TANC2: variants seen among roughly 807,000 people sequenced by gnomAD.
The protein encoded by TANC2 is protein TANC2.
TANC2 carries 26 observed loss-of-function variants against 210.5 expected under a neutral mutation model. That is an observed-to-expected ratio of 0.12 (90% CI 0.09 to 0.17). The LOEUF (loss-of-function observed/expected upper bound fraction) is 0.17, where lower values mean the gene tolerates loss of function less well. Among genes scored for constraint, TANC2 ranks in the 10% least tolerant of loss-of-function variants. The probability of loss-of-function intolerance (pLI) is 1.00; values close to 1 mark genes in which losing one functional copy is unlikely to be tolerated. For synonymous variants in TANC2, 931 were observed against 967.1 expected (o/e 0.96, Z 0.69); for missense variants, 2,129 against 2,608.9 (o/e 0.82, Z 4.01).
intron 12 of TANC2, among the ~76,000 whole-genome samples, chr17:63,348,854 A>G (rs2046501735): frequency 6.6e-6 from 1 of 152,178 alleles, no homozygotes; most frequent in Admixed American, 6.5e-5. Flanking sequence ...GTGAAAATCT[A>G]AAGAACATTA....
At chr17:63,396,076 C>T in intron 18 of TANC2, 148 bp downstream of exon 18, 1 of 733,040 alleles carries the variant, frequency 1.4e-6, no homozygotes, top group Non-Finnish European at 2.2e-6. Flanking sequence ...GATTAAACTC[C>T]ATGAAGCACT....
At chr17:63,394,476 T>C (rs558337367) in intron 17 of TANC2, among the ~76,000 whole-genome samples, 2 of 152,346 alleles carry the variant, frequency 1.3e-5, no homozygotes, top group South Asian at 4.1e-4. Context: ...ATCCATTCGC[T>C]TAGTTTTTGA....
intron 5 of TANC2, among the ~76,000 whole-genome samples, chr17:63,178,777 T>C (rs890493655): frequency 6.6e-6 from 1 of 152,214 alleles, no homozygotes; most frequent in Non-Finnish European, 1.5e-5. Context: ...AAAAGAATGC[T>C]GAGAATTAAG....
At chr17:62,981,858 A>G (rs962286734) in intron 1 of TANC2, among the ~76,000 whole-genome samples, 8 of 152,226 alleles carry the variant, frequency 5.3e-5, no homozygotes, top group Non-Finnish European at 2.9e-5. Flanking sequence ...AAAGGATACA[A>G]ATCAGCATCA....
chr17:63,396,441 T>G (rs2048160072), intron 18 of TANC2: 1 of 160,676 alleles, frequency 6.2e-6, no homozygotes, highest in Non-Finnish European at 1.4e-5. Flanking sequence ...GGTAAACTGT[T>G]AAACATTATA....
intron 9 of TANC2, among the ~76,000 whole-genome samples, chr17:63,284,491 A>G (rs1385732688): frequency 6.6e-6 from 1 of 151,818 alleles, no homozygotes; most frequent in Non-Finnish European, 1.5e-5. Flanking sequence ...GTTCCATTCA[A>G]AATACTTTCA....
chr17:63,191,662 C>T (rs753227235), intron 5 of TANC2, among the ~76,000 whole-genome samples: 1 of 151,854 alleles, frequency 6.6e-6, no homozygotes. Context: ...GGGGTTTCAC[C>T]ACGTTGCCCA....
At chr17:63,362,153 C>A (rs1318856133) in intron 14 of TANC2, among the ~76,000 whole-genome samples, 1 of 152,128 alleles carries the variant, frequency 6.6e-6, no homozygotes, top group East Asian at 1.9e-4. Flanking sequence ...TAGCTCCTAT[C>A]TACAGGCAGG....
At chr17:63,142,071 T>C (rs943341976) in intron 4 of TANC2, among the ~76,000 whole-genome samples, 1 of 152,194 alleles carries the variant, frequency 6.6e-6, no homozygotes, top group Admixed American at 6.5e-5. Flanking sequence ...ACACTGTTGG[T>C]ATAAAGTCTA....
chr17:63,319,199 A>G (rs2146623436), intron 11 of TANC2, 109 bp downstream of exon 11: 2 of 1,119,728 alleles, frequency 1.8e-6, no homozygotes, highest in African/African-American at 3.2e-5. Flanking sequence ...AAGCTATACC[A>G]TGAGAACGTG....
chr17:63,139,778 C>CCTA (rs1242083455), intron 4 of TANC2, among the ~76,000 whole-genome samples: 7 of 152,134 alleles, frequency 4.6e-5, no homozygotes, highest in Non-Finnish European at 1.0e-4. Flanking sequence ...GTGGCATGCG[C>CCTA]CTGTAACGCC....
chr17:63,114,055 G>T (rs942278659), intron 4 of TANC2, among the ~76,000 whole-genome samples: 1 of 152,172 alleles, frequency 6.6e-6, no homozygotes, highest in Non-Finnish European at 1.5e-5. Flanking sequence ...GTGAGAGAAA[G>T]GAGATTTGAT....
At chr17:63,111,548 GATGGTTTTCTACTCTTCATCTTTGATT>G (rs1468683946) in intron 4 of TANC2, among the ~76,000 whole-genome samples, 5 of 151,970 alleles carry the variant, frequency 3.3e-5, no homozygotes, top group Non-Finnish European at 5.9e-5. Flanking sequence ...AATATTGTTA[GATGGTTTTCTACTCTTCATCTTTGATT>G]ATGGTTTTCT....
intron 12 of TANC2, among the ~76,000 whole-genome samples, chr17:63,346,064 A>C (rs2046398976): frequency 6.6e-6 from 1 of 152,196 alleles, no homozygotes; most frequent in Admixed American, 6.5e-5. Flanking sequence ...CAACTAGATA[A>C]ATGTTTGGGG....
intron 3 of TANC2, among the ~76,000 whole-genome samples, chr17:63,079,686 A>T (rs2036700782): frequency 6.6e-6 from 1 of 152,136 alleles, no homozygotes; most frequent in Non-Finnish European, 1.5e-5. Context: ...CTGATTGTGG[A>T]TACAGTTTCT....
intron 13 of TANC2, 145 bp downstream of exon 13, chr17:63,351,561 T>C (rs2046610078): frequency 7.9e-6 from 5 of 633,268 alleles, no homozygotes; most frequent in African/African-American, 1.9e-5. Context: ...ATCTAATATT[T>C]TGAGAGATAT....
intron 5 of TANC2, among the ~76,000 whole-genome samples, chr17:63,164,460 A>G (rs1412628007): frequency 6.6e-6 from 1 of 152,208 alleles, no homozygotes; most frequent in Non-Finnish European, 1.5e-5. Context: ...TAACTGCAGT[A>G]ATTATAAGTT....
intron 4 of TANC2, among the ~76,000 whole-genome samples, chr17:63,126,980 G>C (rs776831121): frequency 2.0e-5 from 3 of 152,180 alleles, no homozygotes; most frequent in African/African-American, 4.8e-5. Context: ...AGGTACTGCT[G>C]ATATATAAGG....
At chr17:63,394,261 T>A (rs549555390) in intron 17 of TANC2, among the ~76,000 whole-genome samples, 2 of 152,348 alleles carry the variant, frequency 1.3e-5, no homozygotes, top group East Asian at 3.9e-4. Context: ...CTGAAATCCA[T>A]TACCATTATT....
Sources: allele counts gnomAD v4.1 joint callset (sites outside exome capture counted in the v4.1 genomes callset), GRCh38; gene constraint gnomAD v4.1.1; transcripts MANE v1.5; gene names NCBI Gene and HGNC (gene_info 2026-07-23, HGNC 2026-07-21).